Variants in SGCZ observed in about 807,000 individuals in gnomAD.
SGCZ encodes zeta-sarcoglycan.
Under a neutral mutation model 41.3 loss-of-function variants are expected in SGCZ, and 40 were observed. The ratio of observed to expected loss-of-function variants is 0.97; its 90% CI spans 0.75 to 1.26. SGCZ has a LOEUF of 1.26. Ranked by LOEUF, SGCZ falls within the 50% of genes most tolerant of loss-of-function variation. SGCZ has a pLI of 0.00. For missense variants in SGCZ, 552 were observed against 369.8 expected (o/e 1.49, Z -4.04); for synonymous variants, 206 against 137.5 (o/e 1.50, Z -3.49).
intron 1 of SGCZ, among the ~76,000 whole-genome samples, chr8:14,675,385 A>G (rs2117523180): frequency 6.6e-6 from 1 of 152,134 alleles, no homozygotes; most frequent in Admixed American, 6.6e-5. Flanking sequence ...TTATTGTTTC[A>G]GAAAGGTCCA....
chr8:15,155,340 A>G (rs1799298019), intron 1 of SGCZ, among the ~76,000 whole-genome samples: 1 of 152,212 alleles, frequency 6.6e-6, no homozygotes, highest in African/African-American at 2.4e-5. Flanking sequence ...ATATGCTATC[A>G]TAATTATCCT....
At chr8:15,098,057 C>A (rs1415970688) in intron 1 of SGCZ, among the ~76,000 whole-genome samples, 1 of 151,546 alleles carries the variant, frequency 6.6e-6, no homozygotes, top group African/African-American at 2.4e-5. Flanking sequence ...CTTTAACTCA[C>A]GACTTGGAAA....
intron 2 of SGCZ, among the ~76,000 whole-genome samples, chr8:14,425,119 G>A (rs77278710): frequency 0.011 from 1,744 of 151,932 alleles, 10 homozygotes; most frequent in Non-Finnish European, 0.017. Flanking sequence ...TCTTTGTCCA[G>A]CGACAACATT....
chr8:14,682,235 A>T (rs1808471060), intron 1 of SGCZ, among the ~76,000 whole-genome samples: 1 of 152,150 alleles, frequency 6.6e-6, no homozygotes, highest in African/African-American at 2.4e-5. Flanking sequence ...ACAGGAATAT[A>T]AAAGAGGCTA....
intron 5 of SGCZ, among the ~76,000 whole-genome samples, chr8:14,152,788 A>G (rs1399695389): frequency 1.3e-5 from 2 of 152,160 alleles, no homozygotes; most frequent in South Asian, 2.1e-4. Flanking sequence ...ATGTTCCTCA[A>G]TGGATGAATA....
At chr8:14,101,500 A>G (rs1392787477) in intron 7 of SGCZ, among the ~76,000 whole-genome samples, 3 of 152,256 alleles carry the variant, frequency 2.0e-5, no homozygotes, top group African/African-American at 7.2e-5. Context: ...GTGGAAAAAT[A>G]GAACATCAAT....
intron 1 of SGCZ, among the ~76,000 whole-genome samples, chr8:15,148,244 G>A (rs268440): frequency 6.6e-6 from 1 of 152,202 alleles, no homozygotes; most frequent in Non-Finnish European, 1.5e-5. Context: ...CTTGGATGAT[G>A]TGAGTCAATA....
chr8:14,479,740 T>C (rs1274701578), intron 2 of SGCZ, among the ~76,000 whole-genome samples: 1,991 of 66,118 alleles, frequency 0.03, 47 homozygotes, highest in East Asian at 0.12. Flanking sequence ...TCTTTTTTTT[T>C]TTTTTTTTTT....
chr8:14,964,213 A>T (rs1447551375), intron 1 of SGCZ, among the ~76,000 whole-genome samples: 4 of 152,086 alleles, frequency 2.6e-5, no homozygotes, highest in Non-Finnish European at 5.9e-5. Flanking sequence ...TCTCTCACTT[A>T]GCCCTATTTT....
chr8:14,748,560 T>C (rs1030498186), intron 1 of SGCZ, among the ~76,000 whole-genome samples: 5 of 152,168 alleles, frequency 3.3e-5, no homozygotes, highest in Admixed American at 3.3e-4. Flanking sequence ...AGAAATGCAT[T>C]GGAATATTTC....
At chr8:14,896,317 T>G (rs1805196928) in intron 1 of SGCZ, among the ~76,000 whole-genome samples, 1 of 152,172 alleles carries the variant, frequency 6.6e-6, no homozygotes, top group South Asian at 2.1e-4. Flanking sequence ...AGATCCTCTC[T>G]CTTACCCTCA....
At chr8:14,915,937 T>G (rs1585375903) in intron 1 of SGCZ, among the ~76,000 whole-genome samples, 1 of 152,208 alleles carries the variant, frequency 6.6e-6, no homozygotes, top group East Asian at 1.9e-4. Context: ...ATATTTTTTG[T>G]AAATGTTAGC....
At chr8:14,898,044 G>A (rs1805266170) in intron 1 of SGCZ, among the ~76,000 whole-genome samples, 1 of 151,862 alleles carries the variant, frequency 6.6e-6, no homozygotes, top group South Asian at 2.1e-4. Flanking sequence ...GATGTGTTTA[G>A]TATGTTTATA....
chr8:14,622,113 A>C (rs1277712561), intron 1 of SGCZ, among the ~76,000 whole-genome samples: 1 of 152,182 alleles, frequency 6.6e-6, no homozygotes, highest in Non-Finnish European at 1.5e-5. Flanking sequence ...AGGTACCAAG[A>C]TTCAGCCCTC....
intron 1 of SGCZ, among the ~76,000 whole-genome samples, chr8:14,985,371 G>A (rs369277718): frequency 3.7e-4 from 56 of 152,182 alleles, no homozygotes; most frequent in African/African-American, 1.2e-3. Context: ...TTTCTCTGAC[G>A]AAAGGAGAAA....
At chr8:14,255,754 G>C (rs986844207) in intron 3 of SGCZ, among the ~76,000 whole-genome samples, 5 of 152,050 alleles carry the variant, frequency 3.3e-5, no homozygotes, top group African/African-American at 7.2e-5. Flanking sequence ...AGTATAATGT[G>C]TGGGATGAGA....
intron 1 of SGCZ, among the ~76,000 whole-genome samples, chr8:15,063,702 T>G (rs148348040): frequency 2.0e-5 from 3 of 152,324 alleles, no homozygotes; most frequent in African/African-American, 7.2e-5. Flanking sequence ...AGAAGACCAG[T>G]GAACCAGAAT....
At chr8:14,808,498 A>T (rs1277468337) in intron 1 of SGCZ, among the ~76,000 whole-genome samples, 2 of 152,198 alleles carry the variant, frequency 1.3e-5, no homozygotes, top group Non-Finnish European at 2.9e-5. Flanking sequence ...ATCACTGGCC[A>T]TCAGAGAAAT....
At chr8:14,793,289 C>G (rs531146473) in intron 1 of SGCZ, among the ~76,000 whole-genome samples, 4 of 152,316 alleles carry the variant, frequency 2.6e-5, no homozygotes, top group African/African-American at 9.6e-5. Context: ...TAACAGATGT[C>G]CCTGCTTCCA....
Sources: gnomAD v4.1 joint callset for allele counts (sites outside exome capture counted in the v4.1 genomes callset) on GRCh38, gnomAD v4.1.1 for gene constraint, MANE v1.5 for transcripts, NCBI Gene and HGNC (gene_info 2026-07-23, HGNC 2026-07-21) for gene names.